PTPRD: variants seen among roughly 807,000 people sequenced by gnomAD.
PTPRD encodes the protein protein tyrosine phosphatase receptor type D.
Under a neutral mutation model 214.5 loss-of-function variants are expected in PTPRD, and 34 were observed. The ratio of observed to expected loss-of-function variants is 0.16; its 90% CI spans 0.12 to 0.21. PTPRD has a LOEUF of 0.21. Among genes scored for constraint, PTPRD ranks in the 10% least tolerant of loss-of-function variants. The pLI, the probability that PTPRD is intolerant of heterozygous loss-of-function variation, is 1.00. For synonymous variants in PTPRD, 1,128 were observed against 845.7 expected (o/e 1.33, Z -5.79); for missense variants, 2,545 against 2,398.7 (o/e 1.06, Z -1.27).
At position 10,571,272 on chromosome 9, in the gene PTPRD, C is replaced by G. The variant is rs1478568013; in HGVS notation, c.-600+41126G>C. 2.0e-5 allele frequency among the ~76,000 whole-genome samples: 3 copies of G among 152,054 alleles called. No individual in the cohort carries two copies. The East Asian group carries it at 5.8e-4, about 29-fold the overall frequency. Reference sequence around the variant, plus strand: ...AAGAAAATTAATTTAGAAAAATTTACTTGACTTTGTTAAAGTTAATTAAAA... The same window carrying G: ...AAGAAAATTAATTTAGAAAAATTTAGTTGACTTTGTTAAAGTTAATTAAAA... On this transcript the variant is annotated intron_variant, in intron 2 of 45. Transcript: ENST00000381196.
chr9:10,333,054 A>G (rs2096780233), intron 3 of PTPRD, among the ~76,000 whole-genome samples: 1 of 151,894 alleles, frequency 6.6e-6, no homozygotes, highest in Non-Finnish European at 1.5e-5. Context: ...ATCACGCCTG[A>G]CACAAGGTAG....
At chr9:8,563,436 C>CT (rs1036473887) in intron 14 of PTPRD, among the ~76,000 whole-genome samples, 4,815 of 130,570 alleles carry the variant, frequency 0.037, 181 homozygotes, top group African/African-American at 0.082. Flanking sequence ...TTGATGTAGA[C>CT]TTTTTTTTTT....
chr9:9,243,164 T>G (rs1320884102), intron 9 of PTPRD, among the ~76,000 whole-genome samples: 1 of 152,002 alleles, frequency 6.6e-6, no homozygotes, highest in Non-Finnish European at 1.5e-5. Context: ...CAAATATTGC[T>G]GAACAGTCCA....
intron 3 of PTPRD, among the ~76,000 whole-genome samples, chr9:10,238,979 C>T (rs915084050): frequency 1.3e-5 from 2 of 151,796 alleles, no homozygotes; most frequent in Non-Finnish European, 2.9e-5. Context: ...TCCTGCACAT[C>T]GAAGAAGGCT....
chr9:9,658,475 A>T (rs995263551), intron 7 of PTPRD, among the ~76,000 whole-genome samples: 6 of 152,168 alleles, frequency 3.9e-5, no homozygotes, highest in Admixed American at 2.6e-4. Flanking sequence ...TTTTCCGAAC[A>T]TCTAGTACAA....
At chr9:9,765,166 A>C (rs899243354) in intron 6 of PTPRD, among the ~76,000 whole-genome samples, 1 of 152,182 alleles carries the variant, frequency 6.6e-6, no homozygotes, top group African/African-American at 2.4e-5. Context: ...TATGAAAAAG[A>C]GTGGCAAAAA....
At chr9:10,393,419 G>T (rs190338240) in intron 2 of PTPRD, among the ~76,000 whole-genome samples, 6 of 151,536 alleles carry the variant, frequency 4.0e-5, no homozygotes, top group East Asian at 2.0e-4. Flanking sequence ...TTCTTTCAAG[G>T]TTCTGATTTA....
rs550287603 is a variant in PTPRD, at chr9:8,437,505, C to T, written c.3989-816G>A. Among the ~76,000 whole-genome samples the T allele has an allele frequency of 3.2e-4, 48 of 152,222 alleles. 1 individual carries two copies. Among genetic ancestry groups the T allele is most frequent in the African/African-American group, 1.0e-3 (42 of 41,540 alleles). On this transcript the variant is annotated intron_variant, in intron 34 of 45. Transcript: ENST00000381196. ...ACGACTCACTGACGATAATCACTGA[C>T]GGCACAATCAGACACCAAACTGAGC...
chr9:10,584,338 T>C (rs949526195), intron 2 of PTPRD, among the ~76,000 whole-genome samples: 2 of 152,208 alleles, frequency 1.3e-5, no homozygotes, highest in Admixed American at 6.5e-5. Context: ...GATGCACTTG[T>C]ACAACACAGA....
At chr9:10,510,926 T>G (rs1189142755) in intron 2 of PTPRD, among the ~76,000 whole-genome samples, 1 of 152,158 alleles carries the variant, frequency 6.6e-6, no homozygotes, top group Non-Finnish European at 1.5e-5. Flanking sequence ...TACTTTTAGT[T>G]CCCACATATG....
intron 19 of PTPRD, among the ~76,000 whole-genome samples, chr9:8,523,000 CAT>C (rs1297942199): frequency 2.6e-5 from 4 of 152,146 alleles, no homozygotes; most frequent in Non-Finnish European, 5.9e-5. Flanking sequence ...GAATGACAGT[CAT>C]AGGAGAAGAA....
intron 11 of PTPRD, among the ~76,000 whole-genome samples, chr9:8,820,454 G>C (rs1169458566): frequency 6.6e-6 from 1 of 152,040 alleles, no homozygotes; most frequent in East Asian, 1.9e-4. Context: ...AATAAAGCCT[G>C]ATCATATTCA....
chr9:9,371,857 C>A (rs1191331619), intron 9 of PTPRD, among the ~76,000 whole-genome samples: 1 of 152,142 alleles, frequency 6.6e-6, no homozygotes, highest in African/African-American at 2.4e-5. Flanking sequence ...TTTCTGTCTT[C>A]ATTTCGTTAT....
At chr9:10,103,401 A>ATATAT (rs1321996717) in intron 3 of PTPRD, among the ~76,000 whole-genome samples, 4 of 144,774 alleles carry the variant, frequency 2.8e-5, no homozygotes, top group East Asian at 2.1e-4. Flanking sequence ...ATATTTATTT[A>ATATAT]AGAGCATTGC....
chr9:8,674,366 G>A (rs1242196714), intron 12 of PTPRD, among the ~76,000 whole-genome samples: 1 of 147,992 alleles, frequency 6.8e-6, no homozygotes, highest in Non-Finnish European at 1.5e-5. Context: ...ACTGAGGCAG[G>A]AGAATTGCTT....
At chr9:10,112,058 G>A (rs540305263) in intron 3 of PTPRD, among the ~76,000 whole-genome samples, 2 of 152,334 alleles carry the variant, frequency 1.3e-5, no homozygotes, top group East Asian at 1.9e-4. Context: ...AAACAACAAT[G>A]TGGGTAGGCC....
chr9:9,137,624 G>A (rs1322042916), intron 10 of PTPRD, among the ~76,000 whole-genome samples: 3 of 152,090 alleles, frequency 2.0e-5, no homozygotes, highest in Non-Finnish European at 4.4e-5. Flanking sequence ...GACTGGTGCT[G>A]TTTTCTAAAC....
intron 5 of PTPRD, among the ~76,000 whole-genome samples, chr9:9,860,730 G>A (rs1268049534): frequency 6.6e-6 from 1 of 152,148 alleles, no homozygotes; most frequent in Non-Finnish European, 1.5e-5. Flanking sequence ...GCTTTCCTAG[G>A]ACCACTAAAC....
chr9:10,212,987 A>G (rs760059092), intron 3 of PTPRD, among the ~76,000 whole-genome samples: 1 of 152,048 alleles, frequency 6.6e-6, no homozygotes, highest in Non-Finnish European at 1.5e-5. Flanking sequence ...TTAATCTACC[A>G]TTTTCTAATA....
Sources: allele counts gnomAD v4.1 joint callset (sites outside exome capture counted in the v4.1 genomes callset), GRCh38; gene constraint gnomAD v4.1.1; transcripts MANE v1.5; gene names NCBI Gene and HGNC (gene_info 2026-07-23, HGNC 2026-07-21).